Variants in BCKDHB observed in about 807,000 individuals in gnomAD.
BCKDHB encodes the protein branched chain keto acid dehydrogenase E1 subunit beta, also known as 2-oxoisovalerate dehydrogenase subunit beta, mitochondrial.
A neutral mutation model predicts 48.5 loss-of-function variants in BCKDHB; 41 were observed. That is an observed-to-expected ratio of 0.85 (90% CI 0.66 to 1.10). BCKDHB has a LOEUF of 1.10. Among genes scored for constraint, BCKDHB ranks in the 50% least tolerant of loss-of-function variants. The pLI is 0.00. For missense variants in BCKDHB, 496 were observed against 494.2 expected, an observed-to-expected ratio of 1.00 and a Z score of -0.03; for synonymous variants, 201 against 174.8, an observed-to-expected ratio of 1.15 and a Z score of -1.18.
intron 1 of BCKDHB, among the ~76,000 whole-genome samples, chr6:80,111,051 C>A (rs1242039985): frequency 6.6e-6 from 1 of 152,092 alleles, no homozygotes; most frequent in African/African-American, 2.4e-5. Context: ...AACAGGGGGC[C>A]TGGGCAGCTT....
At chr6:80,153,086 T>C (rs1771868303) in intron 3 of BCKDHB, among the ~76,000 whole-genome samples, 1 of 152,192 alleles carries the variant, frequency 6.6e-6, no homozygotes, top group South Asian at 2.1e-4. Context: ...CATTGTTCTT[T>C]AATCCAGGAG....
intron 9 of BCKDHB, among the ~76,000 whole-genome samples, chr6:80,333,094 T>A (rs1343106634): frequency 1.3e-5 from 2 of 152,202 alleles, no homozygotes; most frequent in Non-Finnish European, 2.9e-5. Context: ...AACATGCAGA[T>A]AATTCTACTA....
At chr6:80,385,283 G>T in the BCKDHB span, among the ~76,000 whole-genome samples, 1 of 152,168 alleles carries the variant, frequency 6.6e-6, no homozygotes, top group Non-Finnish European at 1.5e-5. Flanking sequence ...AGCTGAAATT[G>T]TGAAAAAACA....
chr6:80,437,258 G>C, the BCKDHB span, among the ~76,000 whole-genome samples: 2 of 152,072 alleles, frequency 1.3e-5, no homozygotes, highest in Non-Finnish European at 2.9e-5. Context: ...AATAGTTTAA[G>C]ATATCATTAC....
chr6:80,427,040 T>C, the BCKDHB span, among the ~76,000 whole-genome samples: 1 of 152,142 alleles, frequency 6.6e-6, no homozygotes, highest in Non-Finnish European at 1.5e-5. Flanking sequence ...TGCAAACATT[T>C]AGGATTACAT....
the BCKDHB span, among the ~76,000 whole-genome samples, chr6:80,365,594 C>G: frequency 6.6e-6 from 1 of 152,052 alleles, no homozygotes; most frequent in East Asian, 1.9e-4. Context: ...TTCCCTTGTT[C>G]CCTAAAAATT....
the BCKDHB span, among the ~76,000 whole-genome samples, chr6:80,430,526 T>C: frequency 6.6e-6 from 1 of 152,192 alleles, no homozygotes; most frequent in African/African-American, 2.4e-5. Flanking sequence ...TATTAATTAC[T>C]GCCTCAATTT....
chr6:80,145,737 C>T (rs771226298), intron 3 of BCKDHB, among the ~76,000 whole-genome samples: 4 of 152,152 alleles, frequency 2.6e-5, no homozygotes, highest in Non-Finnish European at 4.4e-5. Context: ...GAAATATGCT[C>T]AGTAGAGAAA....
chr6:80,117,133 A>G (rs1769746379), intron 1 of BCKDHB, among the ~76,000 whole-genome samples: 6 of 152,234 alleles, frequency 3.9e-5, no homozygotes, highest in Admixed American at 3.9e-4. Flanking sequence ...AACTTAGAAA[A>G]GTATCTGGTA....
intron 8 of BCKDHB, among the ~76,000 whole-genome samples, chr6:80,208,589 G>A (rs1297430791): frequency 6.6e-6 from 1 of 151,720 alleles, no homozygotes; most frequent in African/African-American, 2.4e-5. Flanking sequence ...AGAAACAAAG[G>A]ACAAATATTT....
intron 8 of BCKDHB, among the ~76,000 whole-genome samples, chr6:80,220,594 C>T (rs1775397766): frequency 6.6e-6 from 1 of 151,618 alleles, no homozygotes; most frequent in African/African-American, 2.4e-5. Context: ...AGAAGTTCAT[C>T]CTTAGGCAGA....
At chr6:80,257,979 T>C (rs1777129629) in intron 8 of BCKDHB, among the ~76,000 whole-genome samples, 1 of 151,874 alleles carries the variant, frequency 6.6e-6, no homozygotes, top group Non-Finnish European at 1.5e-5. Flanking sequence ...TCACAACATA[T>C]ATATATATAT....
Position 80,118,197 on chromosome 6 carries a change from G to C in BCKDHB, c.197-9350G>C, listed in dbSNP as rs1022766736. 2.6e-5 allele frequency among the ~76,000 whole-genome samples: 4 copies of C among 152,210 alleles called. No individual in the cohort carries two copies. The East Asian group carries it at 7.7e-4, about 29-fold the overall frequency. On this transcript the variant is annotated intron_variant, in intron 1 of 9. Transcript: ENST00000320393. Reference sequence around the variant, plus strand: ...CTACCTCGGACATATTGTGGGTTTGGCTCCAGACCACTACAATAAAATGAA... The same window carrying C: ...CTACCTCGGACATATTGTGGGTTTGCCTCCAGACCACTACAATAAAATGAA...
chr6:80,107,421 GTA>G (rs71789169), intron 1 of BCKDHB, among the ~76,000 whole-genome samples: 15,695 of 79,846 alleles, frequency 0.2, 1,166 homozygotes, highest in Admixed American at 0.37. Flanking sequence ...GAAATTGTGT[GTA>G]TGTGTGTGTG....
chr6:80,298,367 C>T (rs896823526), intron 9 of BCKDHB, among the ~76,000 whole-genome samples: 10 of 152,074 alleles, frequency 6.6e-5, no homozygotes, highest in African/African-American at 2.4e-4. Context: ...CCTCGGCCTC[C>T]CAAAATGCTG....
At chr6:80,129,380 C>T in intron 3 of BCKDHB, 151 bp downstream of exon 3, 1 of 662,494 alleles carries the variant, frequency 1.5e-6, no homozygotes. Flanking sequence ...AATCCTTTGG[C>T]CTATATTTTC....
the BCKDHB span, among the ~76,000 whole-genome samples, chr6:80,421,463 A>G: frequency 6.6e-6 from 1 of 152,210 alleles, no homozygotes; most frequent in Non-Finnish European, 1.5e-5. Flanking sequence ...CAACTTTGAA[A>G]CTGGGTAATA....
the BCKDHB span, among the ~76,000 whole-genome samples, chr6:80,413,913 A>G: frequency 1.6e-4 from 24 of 152,180 alleles, no homozygotes; most frequent in Admixed American, 1.2e-3. Context: ...TTACACTCCT[A>G]CGAATGTTGC....
intron 8 of BCKDHB, among the ~76,000 whole-genome samples, chr6:80,263,140 T>G (rs1031002736): frequency 4.6e-5 from 7 of 152,200 alleles, no homozygotes; most frequent in Non-Finnish European, 1.5e-5. Context: ...ATTTTTGACC[T>G]TAAGATTTTT....
Sources: allele counts gnomAD v4.1 joint callset (sites outside exome capture counted in the v4.1 genomes callset), GRCh38; gene constraint gnomAD v4.1.1; transcripts MANE v1.5; gene names NCBI Gene and HGNC (gene_info 2026-07-23, HGNC 2026-07-21).